MCTP2: variants seen among roughly 807,000 people sequenced by gnomAD.
MCTP2 encodes the protein multiple C2 and transmembrane domain-containing protein 2.
MCTP2 carries 132 observed loss-of-function variants against 111.6 expected under a neutral mutation model. That is an observed-to-expected ratio of 1.18 (90% confidence interval 1.03 to 1.37). MCTP2 has a LOEUF of 1.37. Ranked by LOEUF, MCTP2 falls within the 40% of genes most tolerant of loss-of-function variation. MCTP2 has a pLI of 0.00. For synonymous variants in MCTP2, 395 were observed against 387.7 expected (o/e 1.02, Z -0.22); for missense variants, 1,183 against 1,067.9 (o/e 1.11, Z -1.50).
chr15:94,345,187 T>A, intron 8 of MCTP2, 23 bp downstream of exon 8: 6 of 1,605,514 alleles, frequency 3.7e-6, no homozygotes, highest in Non-Finnish European at 5.1e-6. Context: ...TTTTTTCCTT[T>A]AGATCATTTG....
intron 1 of MCTP2, among the ~76,000 whole-genome samples, chr15:94,286,013 A>G (rs1037653965): frequency 2.0e-5 from 3 of 152,188 alleles, no homozygotes; most frequent in Non-Finnish European, 4.4e-5. Context: ...TCCACCTGTA[A>G]TTAGATTACA....
At chr15:94,244,732 A>G (rs2071618343) in intron 1 of MCTP2, among the ~76,000 whole-genome samples, 1 of 149,708 alleles carries the variant, frequency 6.7e-6, no homozygotes, top group Non-Finnish European at 1.5e-5. Context: ...ATATTCGTAT[A>G]TGTATACACA....
At chr15:94,259,366 A>G (rs185630501) in intron 1 of MCTP2, among the ~76,000 whole-genome samples, 4 of 152,158 alleles carry the variant, frequency 2.6e-5, no homozygotes, top group African/African-American at 7.2e-5. Flanking sequence ...TTCTCCTCCT[A>G]TTTCTGCTGC....
intron 2 of MCTP2, among the ~76,000 whole-genome samples, chr15:94,313,906 T>C (rs906714598): frequency 6.6e-6 from 1 of 152,194 alleles, no homozygotes; most frequent in Non-Finnish European, 1.5e-5. Context: ...GATCCTGAGC[T>C]GCTCGTTTCA....
chr15:94,276,304 A>G (rs867432783), intron 1 of MCTP2, among the ~76,000 whole-genome samples: 5 of 152,218 alleles, frequency 3.3e-5, no homozygotes, highest in Admixed American at 6.5e-5. Context: ...ACAGTCCTAG[A>G]TAAAAATCTA....
Position 94,339,451 on chromosome 15 carries a change from C to A in MCTP2, c.780+19C>A, listed in dbSNP as rs1273236042. On this transcript the variant is annotated intron_variant, in intron 5 of 22. Transcript: ENST00000357742. ...TGTGAAGGTAATCACAGATAGCTTT[C>A]AAATCTGCTCCTTTATTAAAAACAT... The A allele has an allele frequency of 6.4e-7, 1 of 1,554,146 alleles. No homozygotes were observed. Among genetic ancestry groups the A allele is most frequent in the East Asian group, 2.3e-5 (1 of 44,280 alleles).
chr15:94,423,655 A>ATATGTGTG (rs1374309248), intron 17 of MCTP2, among the ~76,000 whole-genome samples: 1 of 152,134 alleles, frequency 6.6e-6, no homozygotes, highest in East Asian at 1.9e-4. Flanking sequence ...TTGAATTTAG[A>ATATGTGTG]TATGTGTGTG....
At chr15:94,414,120 G>C (rs1460964024) in intron 17 of MCTP2, among the ~76,000 whole-genome samples, 3 of 152,160 alleles carry the variant, frequency 2.0e-5, no homozygotes, top group Non-Finnish European at 4.4e-5. Flanking sequence ...TAGATGTTGA[G>C]TGTCATCAAC....
intron 1 of MCTP2, among the ~76,000 whole-genome samples, chr15:94,254,840 T>G (rs1209656846): frequency 6.6e-6 from 1 of 152,222 alleles, no homozygotes; most frequent in East Asian, 1.9e-4. Flanking sequence ...ACTTAGAAAC[T>G]AATGACTTCG....
chr15:94,467,548 T>A (rs1290682998), intron 20 of MCTP2, among the ~76,000 whole-genome samples: 2 of 152,188 alleles, frequency 1.3e-5, no homozygotes, highest in Non-Finnish European at 2.9e-5. Flanking sequence ...TGTGTGAGTG[T>A]TTTTAGTGTA....
chr15:94,387,304 C>T (rs1203540311), intron 14 of MCTP2, among the ~76,000 whole-genome samples: 1 of 151,590 alleles, frequency 6.6e-6, no homozygotes, highest in Non-Finnish European at 1.5e-5. Flanking sequence ...CATGTCCAGC[C>T]GTCTCCCTGA....
intron 2 of MCTP2, among the ~76,000 whole-genome samples, chr15:94,311,372 T>C (rs1596326686): frequency 1.3e-5 from 2 of 152,158 alleles, no homozygotes; most frequent in Non-Finnish European, 1.5e-5. Context: ...TTCTGGGGTA[T>C]TCCTGATGAA....
intron 4 of MCTP2, among the ~76,000 whole-genome samples, chr15:94,320,646 T>C (rs1467715129): frequency 1.3e-5 from 2 of 152,184 alleles, no homozygotes; most frequent in Admixed American, 1.3e-4. Flanking sequence ...AAGCATGTCT[T>C]GGGTTTCCTC....
intron 12 of MCTP2, among the ~76,000 whole-genome samples, chr15:94,372,930 C>T (rs905577206): frequency 4.6e-5 from 7 of 152,168 alleles, no homozygotes; most frequent in African/African-American, 1.7e-4. Flanking sequence ...CTAAGAACAA[C>T]ATGAAGTAAC....
chr15:94,290,514 A>G lies in MCTP2; in HGVS notation c.-65-7687A>G, dbSNP rs1208736962. 2.0e-5 allele frequency among the ~76,000 whole-genome samples: 3 copies of G among 152,334 alleles called. No individual in the cohort carries two copies. In the East Asian group the frequency reaches 5.8e-4, roughly 29 times the overall value. ...AACAGAAAAAATGAAAAACAGAACA[A>G]GAAGGAAATGATAAAATGGCAGACC... On this transcript the variant is annotated intron_variant, in intron 1 of 22. Coordinates refer to ENST00000357742, the MANE Select transcript of MCTP2 (RefSeq NM_001385001.1).
intron 19 of MCTP2, among the ~76,000 whole-genome samples, chr15:94,452,967 G>GT (rs879294042): frequency 1.8e-4 from 27 of 151,786 alleles, no homozygotes; most frequent in Admixed American, 1.3e-4. Context: ...GTTTTGTTTT[G>GT]TTTTTTTCTC....
At chr15:94,465,385 T>G (rs969121201) in intron 20 of MCTP2, among the ~76,000 whole-genome samples, 2 of 152,130 alleles carry the variant, frequency 1.3e-5, no homozygotes, top group Admixed American at 1.3e-4. Flanking sequence ...AAAGTTTACT[T>G]TATAAATTAG....
intron 14 of MCTP2, 88 bp downstream of exon 14, chr15:94,385,613 C>T (rs533246751): frequency 1.1e-6 from 1 of 902,162 alleles, no homozygotes; most frequent in Non-Finnish European, 1.8e-6. Context: ...CTTTGTCAAC[C>T]TGGGGGAAAA....
chr15:94,422,583 C>T (rs2082676895), intron 17 of MCTP2, among the ~76,000 whole-genome samples: 1 of 152,140 alleles, frequency 6.6e-6, no homozygotes, highest in Admixed American at 6.6e-5. Context: ...GGTACCATGT[C>T]ACCTGATGTA....
Sources: gnomAD v4.1 joint callset for allele counts (sites outside exome capture counted in the v4.1 genomes callset) on GRCh38, gnomAD v4.1.1 for gene constraint, MANE v1.5 for transcripts, NCBI Gene and HGNC (gene_info 2026-07-23, HGNC 2026-07-21) for gene names.